Variants in NCOA6 observed in about 807,000 individuals in gnomAD.
NCOA6 encodes NRC RAP250.
In NCOA6, 49 loss-of-function variants were observed where a neutral mutation model predicts 171.4. That is an observed-to-expected ratio of 0.29 (90% CI 0.23 to 0.36). NCOA6 has a LOEUF of 0.36. Among genes scored for constraint, NCOA6 ranks in the 10% least tolerant of loss-of-function variants. The pLI is 1.00. For missense variants in NCOA6, 2,248 were observed against 2,554.5 expected (o/e 0.88, Z 2.59); for synonymous variants, 910 against 927.5 (o/e 0.98, Z 0.34).
intron 1 of NCOA6, among the ~76,000 whole-genome samples, chr20:34,806,688 G>A (rs561789963): frequency 1.3e-5 from 2 of 152,208 alleles, no homozygotes; most frequent in African/African-American, 2.4e-5. Flanking sequence ...TGTTTTGGGC[G>A]TCTCTGTTGA....
At chr20:34,775,305 G>GGTGT (rs112658298) in intron 4 of NCOA6, among the ~76,000 whole-genome samples, 1,692 of 148,324 alleles carry the variant, frequency 0.011, 29 homozygotes, top group African/African-American at 0.039. Flanking sequence ...TAGGGGTGTA[G>GGTGT]GTGTGTGTGT....
intron 1 of NCOA6, among the ~76,000 whole-genome samples, chr20:34,805,357 C>T (rs1025429199): frequency 6.6e-6 from 1 of 152,080 alleles, no homozygotes; most frequent in Non-Finnish European, 1.5e-5. Flanking sequence ...CTACGATCTA[C>T]TTCTATTGTG....
At chr20:34,779,253 G>A (rs1377643005) in intron 3 of NCOA6, among the ~76,000 whole-genome samples, 1 of 152,178 alleles carries the variant, frequency 6.6e-6, no homozygotes, top group Non-Finnish European at 1.5e-5. Context: ...GCGCATGTCC[G>A]TAATCCCAGC....
In NCOA6 at chr20:34,817,197, C is replaced by A. The variant is rs1415979804; in HGVS notation, c.-164+8275G>T. 3.5e-3 allele frequency among the ~76,000 whole-genome samples: 247 copies of A among 69,930 alleles called. 55 individuals carry two copies. The highest frequency in any genetic ancestry group is 0.01 in the Middle Eastern group (1 of 100). The allele number at this position is 69,930 out of a possible 152,430, so 45.9% of individuals were successfully genotyped here. On this transcript the variant is annotated intron_variant, in intron 1 of 14. Coordinates refer to ENST00000359003, the MANE Select transcript of NCOA6 (RefSeq NM_014071.5). Reference sequence around the variant, plus strand: ...TGGGTACTACGGAACTGATATTCAACAGATTCAATATCAGTAAAGGAGCTG... The same window carrying A: ...TGGGTACTACGGAACTGATATTCAAAAGATTCAATATCAGTAAAGGAGCTG...
At chr20:34,779,997 G>C (rs547597537) in intron 3 of NCOA6, among the ~76,000 whole-genome samples, 1 of 152,230 alleles carries the variant, frequency 6.6e-6, no homozygotes, top group South Asian at 2.1e-4. Flanking sequence ...CTAACCAGTA[G>C]CATCAGAGAT....
chr20:34,802,461 C>G (rs1344311220), intron 1 of NCOA6, among the ~76,000 whole-genome samples: 1 of 152,102 alleles, frequency 6.6e-6, no homozygotes, highest in Non-Finnish European at 1.5e-5. Context: ...ATTAGCTGGG[C>G]GTGGTGGCGC....
chr20:34,717,176 C>T (rs765964184), intron 14 of NCOA6, among the ~76,000 whole-genome samples: 1 of 152,162 alleles, frequency 6.6e-6, no homozygotes, highest in Non-Finnish European at 1.5e-5. Flanking sequence ...CTAGGCCAGG[C>T]GTGGTGGCTC....
At chr20:34,733,450 G>C (rs2075848674) in intron 12 of NCOA6, among the ~76,000 whole-genome samples, 2 of 151,988 alleles carry the variant, frequency 1.3e-5, no homozygotes, top group Admixed American at 1.3e-4. Context: ...CAGAGTGCCT[G>C]GTTCAAAATT....
At chr20:34,769,962 T>C (rs78470724) in intron 4 of NCOA6, among the ~76,000 whole-genome samples, 5,535 of 152,216 alleles carry the variant, frequency 0.036, 140 homozygotes, top group Non-Finnish European at 0.056. Context: ...AGGGTTCTGA[T>C]TCACAGGGTC....
chr20:34,740,730 C>G lies in NCOA6; in HGVS notation c.5526G>C (p.Gly1842=). The stretch of plus-strand genomic sequence containing the variant: ...CTCCATCTGCACCATATTGTTCTTC[C>G]CCTTTCTCAAGAGAGCCTGTAACTT... The part of the protein sequence containing the change: ...CKKVTGSLEK[G]EEQYGADGET... The change falls in exon 11 of 15, where the codon GGG becomes GGC. Residue 1842 remains glycine, a synonymous_variant. Transcript: ENST00000359003. The G allele has an allele frequency of 6.2e-7, 1 of 1,614,214 alleles. No homozygotes were observed. Among genetic ancestry groups the G allele is most frequent in the Non-Finnish European group, 8.5e-7 (1 of 1,180,038 alleles).
chr20:34,746,923 G>A lies in NCOA6; in HGVS notation c.2798C>T (p.Pro933Leu), dbSNP rs775830690. The A allele has an allele frequency of 9.4e-6, 14 of 1,481,510 alleles. No individual in the cohort carries two copies. Among genetic ancestry groups the A allele is most frequent in the Non-Finnish European group, 3.6e-6 (4 of 1,114,924 alleles). The allele number at this position is 1,481,510 out of a possible 1,614,324, so 91.8% of individuals were successfully genotyped here. A position where few individuals can be genotyped will look rare whatever the true frequency, so the allele number is the denominator to read the frequency against. ...TTCCAGACCAGCTGGGCGAGTATCT[G>A]GGGTGCTAAAAAAAAAAAAAAAAAA... ...KKNSQQDLNT[P>L]DTRPAGLEEA... The change falls in exon 10 of 15, where the codon CCA becomes CTA. Residue 933 changes from proline to leucine, a missense_variant. This residue lies in a region of NCOA6 where 352 missense variants were observed against 419.1 expected (regional missense o/e 0.84). Transcript: ENST00000359003.
chr20:34,735,585 A>C (rs771027136), intron 12 of NCOA6, among the ~76,000 whole-genome samples: 1 of 151,556 alleles, frequency 6.6e-6, no homozygotes, highest in Non-Finnish European at 1.5e-5. Flanking sequence ...CAGAGCTTGC[A>C]GTGAGCCGAG....
At chr20:34,767,257 A>G (rs898184797) in intron 5 of NCOA6, among the ~76,000 whole-genome samples, 3 of 152,138 alleles carry the variant, frequency 2.0e-5, no homozygotes, top group Non-Finnish European at 2.9e-5. Context: ...ACCTAGTTCC[A>G]ATTCTATGAT....
rs1350025970 is a variant in NCOA6, at chr20:34,740,676, T to A, written c.5580A>T (p.Thr1860=). 1.2e-6 allele frequency: 2 copies of A among 1,614,224 alleles called. No homozygotes were observed. Among genetic ancestry groups the A allele is most frequent in the Non-Finnish European group, 1.7e-6 (2 of 1,180,038 alleles). ...GETEGQGLDT[T]APGLMGTEQL... ...GCTCTGTTCCCATGAGCCCCGGAGC[T>A]GTGGTGTCTAGCCCTTGGCCTTCAG... is the stretch of plus-strand genomic sequence containing the variant. Residue 1860 remains threonine, a synonymous_variant, in exon 11 of 15, where the codon ACA becomes ACT. Coordinates refer to ENST00000359003, the MANE Select transcript of NCOA6 (RefSeq NM_014071.5).
intron 14 of NCOA6, among the ~76,000 whole-genome samples, chr20:34,726,958 AAAAC>A (rs908651549): frequency 1.3e-4 from 20 of 152,308 alleles, no homozygotes; most frequent in African/African-American, 4.3e-4. Context: ...CTGTTTCAAA[AAAAC>A]AAACAAACAA....
chr20:34,777,548 G>C (rs1337838336), intron 3 of NCOA6, among the ~76,000 whole-genome samples: 1 of 151,990 alleles, frequency 6.6e-6, no homozygotes, highest in Non-Finnish European at 1.5e-5. Flanking sequence ...CCAGGAGGCG[G>C]AGGTTGCTGT....
At chr20:34,816,161 T>A (rs543291632) in intron 1 of NCOA6, among the ~76,000 whole-genome samples, 1 of 152,332 alleles carries the variant, frequency 6.6e-6, no homozygotes, top group African/African-American at 2.4e-5. Context: ...CTCTCCTTAA[T>A]CCCATTTGTT....
intron 3 of NCOA6, among the ~76,000 whole-genome samples, chr20:34,781,445 G>A (rs2077515590): frequency 6.6e-6 from 1 of 152,234 alleles, no homozygotes; most frequent in South Asian, 2.1e-4. Context: ...GATGGGAACT[G>A]TGGTGAAGTG....
chr20:34,810,010 T>C (rs2078601338), intron 1 of NCOA6, among the ~76,000 whole-genome samples: 1 of 152,214 alleles, frequency 6.6e-6, no homozygotes, highest in Non-Finnish European at 1.5e-5. Context: ...CTACAATTTC[T>C]AGTCCAGTGG....
Sources: allele counts gnomAD v4.1 joint callset (sites outside exome capture counted in the v4.1 genomes callset), GRCh38; gene constraint gnomAD v4.1.1; regional missense constraint gnomAD v4.1.1; transcripts MANE v1.5; gene names NCBI Gene and HGNC (gene_info 2026-07-23, HGNC 2026-07-21).